SEPTIN6: variants seen among roughly 807,000 people sequenced by gnomAD.
SEPTIN6 encodes septin-6.
In SEPTIN6, 8 loss-of-function variants were observed where a neutral mutation model predicts 33.6. That is an observed-to-expected ratio of 0.24 (90% CI 0.14 to 0.43). SEPTIN6 has a LOEUF of 0.43. SEPTIN6 is among the 20% of genes least tolerant of loss of function. The pLI is 1.00. For synonymous variants in SEPTIN6, 131 were observed against 140.0 expected (o/e 0.94, Z 0.45); for missense variants, 250 against 340.8 (o/e 0.73, Z 2.10).
chrX:119,687,140 T>C (rs1423409691), intron 1 of SEPTIN6, among the ~76,000 whole-genome samples: 1 of 111,985 alleles, frequency 8.9e-6, no homozygotes, highest in Admixed American at 9.5e-5. Context: ...AATGAAATCA[T>C]ACAGATGGAA....
intron 1 of SEPTIN6, among the ~76,000 whole-genome samples, chrX:119,690,342 T>TACACACACAC (rs370055006): frequency 2.9e-5 from 2 of 69,374 alleles, no homozygotes; most frequent in African/African-American, 8.7e-5. Context: ...CCCACATACA[T>TACACACACAC]ACACATACAC....
At chrX:119,650,595 GGA>G (rs1267545907) in intron 4 of SEPTIN6, among the ~76,000 whole-genome samples, 1 of 111,315 alleles carries the variant, frequency 9.0e-6, no homozygotes, top group Non-Finnish European at 1.9e-5. Context: ...GGCTGACAGG[GGA>G]GAGGTGGCCT....
Position 119,637,201 on chromosome X carries a change from T to C in SEPTIN6, c.788-6A>G, listed in dbSNP as rs766007008. The C allele has an allele frequency of 5.0e-6, 6 of 1,207,737 alleles. No individual in the cohort carries two copies. Among genetic ancestry groups the C allele is most frequent in the South Asian group, 1.8e-5 (1 of 56,744 alleles). ...GCAGTGGGCCTCGTTTTCAACTGCA[T>C]AGCAGGATTTGGGGTATTGAAAGTA... On this transcript the variant is annotated splice_polypyrimidine_tract_variant and splice_region_variant and intron_variant, in intron 6 of 10. Transcript: ENST00000394610.
intron 1 of SEPTIN6, among the ~76,000 whole-genome samples, chrX:119,687,960 A>G (rs957526445): frequency 8.9e-6 from 1 of 112,591 alleles, no homozygotes; most frequent in Non-Finnish European, 1.9e-5. Flanking sequence ...GGATGTAAAA[A>G]GGAAACAGGG....
intron 3 of SEPTIN6, among the ~76,000 whole-genome samples, chrX:119,658,013 GC>G (rs769963343): frequency 1.1e-3 from 117 of 111,182 alleles, no homozygotes; most frequent in Non-Finnish European, 1.8e-3. Context: ...TGTAGTCCCA[GC>G]TACTCGGGCG....
At chrX:119,681,266 GATTA>G (rs1397500891) in intron 1 of SEPTIN6, among the ~76,000 whole-genome samples, 6 of 111,285 alleles carry the variant, frequency 5.4e-5, no homozygotes, top group African/African-American at 1.6e-4. Flanking sequence ...AAGGTGGCCT[GATTA>G]ATTGAGGGCC....
At chrX:119,668,896 A>T (rs933881051) in intron 2 of SEPTIN6, among the ~76,000 whole-genome samples, 1 of 111,470 alleles carries the variant, frequency 9.0e-6, no homozygotes, top group Non-Finnish European at 1.9e-5. Context: ...TGAGCAGTAT[A>T]CACTGAACCC....
chrX:119,637,605 C>CCACT (rs2054086588), intron 6 of SEPTIN6, among the ~76,000 whole-genome samples: 1 of 108,832 alleles, frequency 9.2e-6, no homozygotes, highest in African/African-American at 3.4e-5. Flanking sequence ...ATCCATCCAT[C>CCACT]CATCCATCCA....
rs1556298575 is a variant in SEPTIN6, at chrX:119,635,024, A to AAG, written c.957-1533_957-1532insCT. The AAG allele has an allele frequency of 1.6e-5, 4 of 249,356 alleles. No individual in the cohort carries two copies. The East Asian group carries it at 4.3e-4, about 27-fold the overall frequency. 20.5% of individuals were successfully genotyped at this position (249,356 alleles called of 1,213,427 possible). On this transcript the variant is annotated intron_variant, in intron 7 of 10. Coordinates refer to ENST00000394610, the MANE Select transcript of SEPTIN6 (RefSeq NM_145799.4). ...ACTCTGTCTCAAAAAAAAAAAAAAA[A>AAG]AAAGAAAGAAAAGAAAAGAAGAAGT...
intron 8 of SEPTIN6, among the ~76,000 whole-genome samples, chrX:119,631,730 G>A (rs954301953): frequency 9.1e-6 from 1 of 109,563 alleles, no homozygotes; most frequent in Non-Finnish European, 1.9e-5. Flanking sequence ...CTACAGGCAC[G>A]TGCAACCATG....
chrX:119,683,144 T>C (rs927006331), intron 1 of SEPTIN6, among the ~76,000 whole-genome samples: 4 of 112,150 alleles, frequency 3.6e-5, no homozygotes, highest in Admixed American at 1.9e-4. Context: ...TCCCAGCCAG[T>C]TGGGAGGCTG....
At chrX:119,666,315 G>A (rs1258219435) in intron 2 of SEPTIN6, among the ~76,000 whole-genome samples, 1 of 111,853 alleles carries the variant, frequency 8.9e-6, no homozygotes, top group African/African-American at 3.2e-5. Context: ...CCCGCCTTGC[G>A]ACCAAAAGCA....
intron 3 of SEPTIN6, among the ~76,000 whole-genome samples, chrX:119,657,704 G>A (rs1382615364): frequency 9.0e-6 from 1 of 110,955 alleles, no homozygotes; most frequent in Non-Finnish European, 1.9e-5. Context: ...GTAGAGACGG[G>A]GTCTCTTTAT....
At position 119,618,030 on chromosome X, in the gene SEPTIN6, A is replaced by G. The variant is rs1271829326; in HGVS notation, c.*2063T>C. ...GTGGTGGTTACCGGTTGGTTGTTTA[A>G]GCGTGAATTTCTGGGAAAGCAGCTC... On this transcript the variant is annotated 3_prime_UTR_variant, in exon 11 of 11. Coordinates refer to ENST00000394610, the MANE Select transcript of SEPTIN6 (RefSeq NM_145799.4). 7 of 804,402 alleles carry G rather than the reference A, an allele frequency of 8.7e-6. No homozygotes were observed. The East Asian group carries it at 3.5e-4, about 40-fold the overall frequency. 66.3% of individuals were successfully genotyped at this position (804,402 alleles called of 1,213,427 possible).
At chrX:119,631,013 C>T (rs932446072) in intron 8 of SEPTIN6, among the ~76,000 whole-genome samples, 1 of 110,689 alleles carries the variant, frequency 9.0e-6, no homozygotes, top group Non-Finnish European at 1.9e-5. Flanking sequence ...CAGAGCAAGC[C>T]GAATTTCACT....
chrX:119,649,920 A>C lies in SEPTIN6; in HGVS notation c.690+17T>G. 8.3e-7 allele frequency: 1 copy of C among 1,200,492 alleles called. No individual in the cohort carries two copies. The highest frequency in any genetic ancestry group is 1.1e-6 in the Non-Finnish European group (1 of 885,818). On this transcript the variant is annotated intron_variant, in intron 5 of 10. Coordinates refer to ENST00000394610, the MANE Select transcript of SEPTIN6 (RefSeq NM_145799.4). ...TCATCATAAAAAGCAAATGGTCAGGAAATTGCTCCCACTCACGTTCATGGT... is the reference window on the plus strand; with the variant it reads ...TCATCATAAAAAGCAAATGGTCAGGCAATTGCTCCCACTCACGTTCATGGT...
At position 119,663,526 on chromosome X, in the gene SEPTIN6, G is replaced by C; in HGVS notation, c.297C>G (p.Ile99Met). Reference protein sequence around the residue: ...QESNVRLKLTIVSTVGFGDQI... With the variant: ...QESNVRLKLTMVSTVGFGDQI... ...GGTCCCCAAAGCCAACTGTGCTAAC[G>C]ATCGTGAGCTTTAGCCTCACGTTGC... is the stretch of plus-strand genomic sequence containing the variant. The change falls in exon 3 of 11, where the codon ATC becomes ATG. Residue 99 changes from isoleucine (I) to methionine (M), a missense_variant. Coordinates refer to ENST00000394610, the MANE Select transcript of SEPTIN6 (RefSeq NM_145799.4). 9.4e-7 allele frequency: 1 copy of C among 1,066,466 alleles called. No individual in the cohort carries two copies. Among genetic ancestry groups the C allele is most frequent in the Non-Finnish European group, 1.2e-6 (1 of 805,812 alleles). The allele number at this position is 1,066,466 out of a possible 1,213,427, so 87.9% of individuals were successfully genotyped here.
chrX:119,632,704 T>C (rs1419632644), intron 8 of SEPTIN6, among the ~76,000 whole-genome samples: 2 of 110,953 alleles, frequency 1.8e-5, no homozygotes, highest in Non-Finnish European at 3.8e-5. Flanking sequence ...CTCAGCTCAC[T>C]GTAACCTCCA....
At chrX:119,653,386 C>A (rs755968972) in intron 3 of SEPTIN6, among the ~76,000 whole-genome samples, 1 of 112,337 alleles carries the variant, frequency 8.9e-6, no homozygotes, top group Admixed American at 9.5e-5. Flanking sequence ...AGGGGCATAA[C>A]AAGAAATGGC....
Sources: allele counts gnomAD v4.1 joint callset (sites outside exome capture counted in the v4.1 genomes callset), GRCh38; gene constraint gnomAD v4.1.1; transcripts MANE v1.5; gene names NCBI Gene and HGNC (gene_info 2026-07-23, HGNC 2026-07-21).